Variants in C1orf87 observed in about 807,000 individuals in gnomAD.
C1orf87 encodes the protein chromosome 1 open reading frame 87, also known as uncharacterized protein C1orf87.
Under a neutral mutation model 60.5 loss-of-function variants are expected in C1orf87, and 58 were observed. That is an observed-to-expected ratio of 0.96 (90% CI 0.78 to 1.19). The LOEUF is 1.19. Ranked by LOEUF, C1orf87 falls within the 50% of genes most tolerant of loss-of-function variation. The pLI, the probability that C1orf87 is intolerant of heterozygous loss-of-function variation, is 0.00. For synonymous variants in C1orf87, 236 were observed against 227.4 expected, an observed-to-expected ratio of 1.04 and a Z score of -0.34; for missense variants, 673 against 638.6, an observed-to-expected ratio of 1.05 and a Z score of -0.58.
At chr1:60,006,769 G>T (rs1022148472) in intron 9 of C1orf87, among the ~76,000 whole-genome samples, 3 of 152,000 alleles carry the variant, frequency 2.0e-5, no homozygotes, top group Non-Finnish European at 4.4e-5. Flanking sequence ...ATATTTCTTA[G>T]ATCTGTGGCT....
chr1:60,034,521 G>A (rs1281994225), intron 6 of C1orf87, among the ~76,000 whole-genome samples: 3 of 152,118 alleles, frequency 2.0e-5, no homozygotes, highest in Non-Finnish European at 2.9e-5. Flanking sequence ...TGGTATACTG[G>A]TAAATCTTTA....
intron 9 of C1orf87, among the ~76,000 whole-genome samples, chr1:60,006,776 G>A (rs370937096): frequency 6.6e-6 from 1 of 151,964 alleles, no homozygotes; most frequent in East Asian, 1.9e-4. Flanking sequence ...TTAGATCTGT[G>A]GCTTAAGGTC....
chr1:60,046,026 A>T (rs1645365119), intron 3 of C1orf87, among the ~76,000 whole-genome samples: 1 of 152,176 alleles, frequency 6.6e-6, no homozygotes, highest in African/African-American at 2.4e-5. Context: ...AATATGAACC[A>T]TATATTGCAA....
At chr1:60,072,498 C>A (rs750903918) in intron 2 of C1orf87, 39 bp downstream of exon 2, 21 of 1,436,752 alleles carry the variant, frequency 1.5e-5, no homozygotes, top group Non-Finnish European at 1.8e-5. Flanking sequence ...ACTTCATTAT[C>A]ATCCAAGCAA....
At chr1:59,998,235 A>G (rs1488214052) in intron 10 of C1orf87, among the ~76,000 whole-genome samples, 1 of 152,296 alleles carries the variant, frequency 6.6e-6, no homozygotes, top group Admixed American at 6.5e-5. Context: ...GATGATCGAA[A>G]CAATAATGAT....
intron 10 of C1orf87, among the ~76,000 whole-genome samples, chr1:60,000,408 G>T (rs1644993743): frequency 6.6e-6 from 1 of 152,104 alleles, no homozygotes; most frequent in Non-Finnish European, 1.5e-5. Context: ...ATGGCAAGAG[G>T]CTTGCCAAAA....
intron 5 of C1orf87, among the ~76,000 whole-genome samples, 179 bp from the exon 6 acceptor site, chr1:60,038,286 G>T (rs1645292939): frequency 6.6e-6 from 1 of 151,870 alleles, no homozygotes; most frequent in Admixed American, 6.6e-5. Context: ...TTCCCTTCTG[G>T]ACAAATGGTA....
chr1:59,994,544 C>T (rs1196595377), intron 11 of C1orf87, among the ~76,000 whole-genome samples: 1 of 152,230 alleles, frequency 6.6e-6, no homozygotes, highest in Non-Finnish European at 1.5e-5. Context: ...CCTCCTTGAA[C>T]TCTAAAACAC....
chr1:60,065,142 C>A (rs1645536900), intron 2 of C1orf87, among the ~76,000 whole-genome samples: 1 of 138,776 alleles, frequency 7.2e-6, no homozygotes, highest in Non-Finnish European at 1.6e-5. Flanking sequence ...CAACCTTATA[C>A]AAAAAGAAAA....
intron 8 of C1orf87, among the ~76,000 whole-genome samples, chr1:60,019,163 G>T (rs555820811): frequency 6.6e-6 from 1 of 152,318 alleles, no homozygotes; most frequent in East Asian, 1.9e-4. Flanking sequence ...CCTGGTGGCA[G>T]GTGATTGGAT....
At chr1:60,031,989 C>CACACACACACACACAT (rs1445560697) in intron 7 of C1orf87, among the ~76,000 whole-genome samples, 1 of 149,470 alleles carries the variant, frequency 6.7e-6, no homozygotes, top group East Asian at 1.9e-4. Flanking sequence ...CAAACACACA[C>CACACACACACACACAT]ACACACACAC....
chr1:60,017,300 A>G (rs1574302801), intron 8 of C1orf87, among the ~76,000 whole-genome samples: 1 of 152,218 alleles, frequency 6.6e-6, no homozygotes, highest in African/African-American at 2.4e-5. Flanking sequence ...TATTCCCGTC[A>G]GAAGTAATTG....
chr1:60,032,432 GTTT>G (rs11376932), intron 7 of C1orf87, among the ~76,000 whole-genome samples: 1 of 88,570 alleles, frequency 1.1e-5, no homozygotes, highest in African/African-American at 4.6e-5. Context: ...TGAGACTCAG[GTTT>G]TTTTTTTTTT....
At chr1:60,066,372 T>A (rs1417970319) in intron 2 of C1orf87, among the ~76,000 whole-genome samples, 1 of 152,214 alleles carries the variant, frequency 6.6e-6, no homozygotes, top group African/African-American at 2.4e-5. Flanking sequence ...AATCCTTTGT[T>A]GTCAATTCAA....
chr1:60,064,568 T>G (rs2100330599), intron 2 of C1orf87, among the ~76,000 whole-genome samples: 1 of 123,772 alleles, frequency 8.1e-6, no homozygotes, highest in African/African-American at 3.1e-5. Flanking sequence ...TATATAAAAC[T>G]AATAGGATAT....
At chr1:60,014,619 G>A (rs1645112777) in intron 8 of C1orf87, among the ~76,000 whole-genome samples, 1 of 152,094 alleles carries the variant, frequency 6.6e-6, no homozygotes, top group Non-Finnish European at 1.5e-5. Context: ...TACTGATGAA[G>A]GTAATTTCAG....
chr1:60,027,755 C>T (rs180850407), intron 7 of C1orf87, among the ~76,000 whole-genome samples: 46 of 151,802 alleles, frequency 3.0e-4, no homozygotes, highest in Admixed American at 2.4e-3. Flanking sequence ...CATGAAAAAA[C>T]GAAGAGTTTG....
intron 9 of C1orf87, among the ~76,000 whole-genome samples, chr1:60,009,907 A>G (rs1027881595): frequency 6.6e-6 from 1 of 152,064 alleles, no homozygotes; most frequent in Non-Finnish European, 1.5e-5. Context: ...AATTGGTTAT[A>G]TTGTAATTTA....
chr1:60,041,861 A>C (rs953264967), intron 3 of C1orf87, among the ~76,000 whole-genome samples: 1 of 152,138 alleles, frequency 6.6e-6, no homozygotes, highest in African/African-American at 2.4e-5. Context: ...TCACACAGCA[A>C]GCCTTTTTTT....
Sources: gnomAD v4.1 joint callset for allele counts (sites outside exome capture counted in the v4.1 genomes callset) on GRCh38, gnomAD v4.1.1 for gene constraint, MANE v1.5 for transcripts, NCBI Gene and HGNC (gene_info 2026-07-23, HGNC 2026-07-21) for gene names.